The following DBX2 variants were observed in gnomAD, a reference collection of about 807,000 sequenced individuals.
DBX2 encodes homeobox protein DBX2.
DBX2 carries 16 observed loss-of-function variants against 17.7 expected under a neutral mutation model. The observed-to-expected ratio is 0.90, with a 90% CI of 0.61 to 1.37. DBX2 has a LOEUF of 1.37. Among genes scored for constraint, DBX2 ranks in the 40% most tolerant of loss-of-function variants. The pLI is 0.00. For missense variants in DBX2, 538 were observed against 433.8 expected, an observed-to-expected ratio of 1.24 and a Z score of -2.13; for synonymous variants, 255 against 183.8, an observed-to-expected ratio of 1.39 and a Z score of -3.13.
chr12:45,028,601 A>G (rs537062684), intron 2 of DBX2, among the ~76,000 whole-genome samples: 1 of 152,278 alleles, frequency 6.6e-6, no homozygotes, highest in African/African-American at 2.4e-5. Flanking sequence ...ATTCCCATTA[A>G]GAGAGTCTAC....
chr12:45,050,115 C>T (rs1016691515), intron 1 of DBX2, among the ~76,000 whole-genome samples: 4 of 152,146 alleles, frequency 2.6e-5, no homozygotes. Context: ...TTGTCAAGAA[C>T]TTTTCTGAGA....
At position 45,015,922 on chromosome 12, in the gene DBX2, C is replaced by T. The variant is rs1946320619; in HGVS notation, c.*364G>A. 6.2e-6 allele frequency: 1 copy of T among 160,966 alleles called. No individual in the cohort carries two copies. Among genetic ancestry groups the T allele is most frequent in the Non-Finnish European group, 1.3e-5 (1 of 74,310 alleles). 10.0% of individuals were successfully genotyped at this position (160,966 alleles called of 1,614,324 possible). A position where few individuals can be genotyped will look rare whatever the true frequency, so the allele number is the denominator to read the frequency against. ...CTTCACATAAAAGGAAGTGAATTTA[C>T]TCAATGCAATAGTTAAAGAGAAACT... is the stretch of plus-strand genomic sequence containing the variant. On this transcript the variant is annotated 3_prime_UTR_variant, in exon 4 of 4. Coordinates refer to ENST00000332700, the MANE Select transcript of DBX2 (RefSeq NM_001004329.3).
At chr12:45,027,167 T>TC (rs1401820825) in intron 2 of DBX2, among the ~76,000 whole-genome samples, 4 of 152,214 alleles carry the variant, frequency 2.6e-5, no homozygotes, top group Non-Finnish European at 1.5e-5. Context: ...ATAAGGCTGC[T>TC]CCCAAGATTC....
At chr12:45,022,110 G>A (rs1400070942) in intron 3 of DBX2, among the ~76,000 whole-genome samples, 1 of 151,892 alleles carries the variant, frequency 6.6e-6, no homozygotes, top group Non-Finnish European at 1.5e-5. Context: ...AGAAACTGAG[G>A]CACAGAACAA....
At chr12:45,047,962 A>G (rs1946508830) in intron 1 of DBX2, among the ~76,000 whole-genome samples, 1 of 152,192 alleles carries the variant, frequency 6.6e-6, no homozygotes, top group South Asian at 2.1e-4. Flanking sequence ...TAACCTATAA[A>G]GCAGTACAGA....
At chr12:45,033,771 T>A (rs1946421548) in intron 2 of DBX2, among the ~76,000 whole-genome samples, 1 of 152,202 alleles carries the variant, frequency 6.6e-6, no homozygotes, top group African/African-American at 2.4e-5. Context: ...CATCATTTTC[T>A]ATCCTTGATT....
chr12:45,034,865 C>G (rs1442317498), intron 2 of DBX2, among the ~76,000 whole-genome samples: 3 of 152,170 alleles, frequency 2.0e-5, no homozygotes, highest in Admixed American at 6.5e-5. Context: ...CTTGCCCAAG[C>G]CTTTTCCATG....
chr12:45,042,059 C>G (rs532016037), intron 1 of DBX2, among the ~76,000 whole-genome samples: 2 of 152,254 alleles, frequency 1.3e-5, no homozygotes, highest in African/African-American at 4.8e-5. Flanking sequence ...GCCTAGCCCC[C>G]ACATCAATTG....
intron 2 of DBX2, among the ~76,000 whole-genome samples, chr12:45,034,741 A>C (rs1385366998): frequency 6.6e-6 from 1 of 152,172 alleles, no homozygotes; most frequent in Non-Finnish European, 1.5e-5. Context: ...TTACTGCTTT[A>C]TTTTTCAGTC....
At position 45,050,963 on chromosome 12, in the gene DBX2, T is replaced by C. The variant is rs541513941; in HGVS notation, c.-36A>G. The stretch of plus-strand genomic sequence containing the variant: ...CAACCGGTCTGCTGCGCGCCCGCCT[T>C]GCGCCCGCCTGTCGCCCGGGCGCCC... On this transcript the variant is annotated 5_prime_UTR_variant, in exon 1 of 4. Transcript: ENST00000332700. 1.0e-5 allele frequency: 14 copies of C among 1,377,056 alleles called. No individual in the cohort carries two copies. Among genetic ancestry groups the C allele is most frequent in the Non-Finnish European group, 1.3e-5 (14 of 1,066,498 alleles). The allele number at this position is 1,377,056 out of a possible 1,614,324, so 85.3% of individuals were successfully genotyped here. A position where few individuals can be genotyped will look rare whatever the true frequency, so the allele number is the denominator to read the frequency against.
intron 3 of DBX2, among the ~76,000 whole-genome samples, chr12:45,019,497 G>C (rs1003456048): frequency 3.3e-5 from 5 of 152,062 alleles, no homozygotes; most frequent in Admixed American, 3.3e-4. Flanking sequence ...GTTAGTAAGA[G>C]TGAAATTTTC....
At chr12:45,028,637 T>C (rs549327728) in intron 2 of DBX2, among the ~76,000 whole-genome samples, 1 of 152,298 alleles carries the variant, frequency 6.6e-6, no homozygotes, top group African/African-American at 2.4e-5. Context: ...ACCACTGTGA[T>C]ATACATTAAC....
intron 1 of DBX2, among the ~76,000 whole-genome samples, chr12:45,041,965 T>C (rs887827521): frequency 2.0e-5 from 3 of 152,206 alleles, no homozygotes; most frequent in African/African-American, 7.2e-5. Context: ...CTAACAAAAT[T>C]CATACTGTGC....
intron 1 of DBX2, among the ~76,000 whole-genome samples, chr12:45,041,418 C>G (rs1946470690): frequency 6.6e-6 from 1 of 152,076 alleles, no homozygotes; most frequent in Non-Finnish European, 1.5e-5. Context: ...AAACATCTAT[C>G]TTGAATAGTT....
In DBX2 at chr12:45,015,774, C is replaced by T. The variant is rs1460867680; in HGVS notation, c.*512G>A. 2.0e-5 allele frequency: 3 copies of T among 151,952 alleles called. No individual in the cohort carries two copies. Among genetic ancestry groups the T allele is most frequent in the Non-Finnish European group, 4.4e-5 (3 of 68,026 alleles). The allele number at this position is 151,952 out of a possible 1,614,324, so 9.4% of individuals were successfully genotyped here. ...GTTAAAATTCACTTACAGCTGGATA[C>T]CAAAAGAAGTCAGAAAATAGAGAAT... is the stretch of plus-strand genomic sequence containing the variant. On this transcript the variant is annotated 3_prime_UTR_variant, in exon 4 of 4. Coordinates refer to ENST00000332700, the MANE Select transcript of DBX2 (RefSeq NM_001004329.3).
chr12:45,033,348 G>T (rs1364672870), intron 2 of DBX2, among the ~76,000 whole-genome samples: 6 of 152,100 alleles, frequency 3.9e-5, no homozygotes, highest in African/African-American at 1.4e-4. Context: ...CCTAATTTTG[G>T]CTGTCTGAGC....
At chr12:45,036,601 T>C (rs546858181) in intron 1 of DBX2, among the ~76,000 whole-genome samples, 1 of 152,348 alleles carries the variant, frequency 6.6e-6, no homozygotes, top group African/African-American at 2.4e-5. Context: ...AGGGATTATA[T>C]TAAATAGCAC....
chr12:45,031,225 TGAGAGA>T (rs72031074), intron 2 of DBX2, among the ~76,000 whole-genome samples: 34 of 85,654 alleles, frequency 4.0e-4, no homozygotes, highest in African/African-American at 1.3e-3. Flanking sequence ...TGTGTGTGTG[TGAGAGA>T]GAGAGAGAGA....
intron 1 of DBX2, 38 bp from the exon 2 acceptor site, chr12:45,036,152 C>T: frequency 6.6e-7 from 1 of 1,525,152 alleles, no homozygotes; most frequent in Non-Finnish European, 8.8e-7. Context: ...TTAGCCATTT[C>T]TTTAAGACAA....
Sources: allele counts gnomAD v4.1 joint callset (sites outside exome capture counted in the v4.1 genomes callset), GRCh38; gene constraint gnomAD v4.1.1; transcripts MANE v1.5; gene names NCBI Gene and HGNC (gene_info 2026-07-23, HGNC 2026-07-21).